NEO1: variants seen among roughly 807,000 people sequenced by gnomAD.
NEO1 encodes the protein neogenin.
Under a neutral mutation model 159.7 loss-of-function variants are expected in NEO1, and 63 were observed. That is an observed-to-expected ratio of 0.39 (90% confidence interval 0.32 to 0.49). The LOEUF is 0.49. Among genes scored for constraint, NEO1 ranks in the 20% least tolerant of loss-of-function variants. The probability of loss-of-function intolerance (pLI) is 0.85; values close to 1 mark genes in which losing one functional copy is unlikely to be tolerated. For missense variants in NEO1, 1,615 were observed against 1,831.0 expected, an observed-to-expected ratio of 0.88 and a Z score of 2.15; for synonymous variants, 633 against 662.0, an observed-to-expected ratio of 0.96 and a Z score of 0.67.
chr15:73,110,667 C>T (rs770708944), intron 1 of NEO1, among the ~76,000 whole-genome samples: 1 of 152,090 alleles, frequency 6.6e-6, no homozygotes. Context: ...GAGAGCTATT[C>T]CATTAAGACG....
intron 7 of NEO1, among the ~76,000 whole-genome samples, chr15:73,184,432 AAC>A (rs1351335652): frequency 6.6e-6 from 1 of 152,200 alleles, no homozygotes; most frequent in East Asian, 1.9e-4. Flanking sequence ...ACTCAAAAAC[AAC>A]ACACACTCTT....
chr15:73,298,959 T>A (rs761327717), intron 27 of NEO1, among the ~76,000 whole-genome samples: 19 of 152,070 alleles, frequency 1.2e-4, no homozygotes, highest in Non-Finnish European at 2.5e-4. Flanking sequence ...CTTCGTAAGG[T>A]CCCTGCAAAC....
intron 1 of NEO1, among the ~76,000 whole-genome samples, chr15:73,100,360 A>C (rs2070332238): frequency 6.7e-6 from 1 of 148,946 alleles, no homozygotes; most frequent in African/African-American, 2.5e-5. Context: ...TTTGAGATGG[A>C]ATCTCACTCT....
In NEO1 at chr15:73,223,472, G is replaced by C. The variant is rs534381783; in HGVS notation, c.1292-12875G>C. ...ATAAATTTGGGAGCTCCAGTGTTAG[G>C]TGCATATATGTTTAGGATTGTGATA... On this transcript the variant is annotated intron_variant, in intron 7 of 28. Coordinates refer to ENST00000261908, the MANE Select transcript of NEO1 (RefSeq NM_002499.4). Among the ~76,000 whole-genome samples, 115 of 152,234 alleles carry C rather than the reference G, an allele frequency of 7.6e-4. 1 individual carries two copies. Among genetic ancestry groups the C allele is most frequent in the African/African-American group, 2.7e-3 (111 of 41,530 alleles).
chr15:73,281,402 C>T (rs1020616786), intron 22 of NEO1, among the ~76,000 whole-genome samples: 5 of 151,338 alleles, frequency 3.3e-5, no homozygotes, highest in Non-Finnish European at 5.9e-5. Context: ...CTACAGGCAC[C>T]GCCACCATGC....
chr15:73,165,335 A>G (rs1391424358), intron 5 of NEO1, among the ~76,000 whole-genome samples: 2 of 152,124 alleles, frequency 1.3e-5, no homozygotes, highest in African/African-American at 2.4e-5. Context: ...TGTGTTCTGT[A>G]CACCTTTTAT....
chr15:73,172,673 G>A (rs1596251420), intron 5 of NEO1, among the ~76,000 whole-genome samples: 1 of 152,288 alleles, frequency 6.6e-6, no homozygotes, highest in East Asian at 1.9e-4. Flanking sequence ...TACAAATTTA[G>A]TTAAATGATA....
intron 11 of NEO1, among the ~76,000 whole-genome samples, chr15:73,250,699 G>T (rs1436090787): frequency 6.6e-6 from 1 of 151,636 alleles, no homozygotes; most frequent in Non-Finnish European, 1.5e-5. Context: ...TATTAGTTTT[G>T]TGAAAGAAAA....
intron 1 of NEO1, among the ~76,000 whole-genome samples, chr15:73,083,725 T>C (rs2069196747): frequency 6.6e-6 from 1 of 152,208 alleles, no homozygotes. Context: ...TTCTTCGTTA[T>C]TCTGCCTTAT....
chr15:73,284,384 G>A (rs2041856167), intron 23 of NEO1, among the ~76,000 whole-genome samples: 1 of 152,128 alleles, frequency 6.6e-6, no homozygotes, highest in African/African-American at 2.4e-5. Context: ...TCACTGTACA[G>A]GGTAAGTACA....
intron 5 of NEO1, among the ~76,000 whole-genome samples, chr15:73,147,348 T>C (rs890349175): frequency 2.0e-5 from 3 of 152,186 alleles, no homozygotes; most frequent in African/African-American, 7.2e-5. Flanking sequence ...CCTTAGATTA[T>C]TTAAATTGAC....
intron 11 of NEO1, among the ~76,000 whole-genome samples, chr15:73,252,172 T>C (rs1421901738): frequency 6.6e-6 from 1 of 152,222 alleles, no homozygotes; most frequent in African/African-American, 2.4e-5. Flanking sequence ...CCAGAAGCTA[T>C]AGCACAGTGG....
At chr15:73,135,502 CT>C (rs1158353767) in intron 4 of NEO1, among the ~76,000 whole-genome samples, 1 of 152,144 alleles carries the variant, frequency 6.6e-6, no homozygotes, top group East Asian at 1.9e-4. Flanking sequence ...TGTGGCATAG[CT>C]GTGGTGGTGT....
At chr15:73,268,582 T>C (rs958441900) in intron 16 of NEO1, among the ~76,000 whole-genome samples, 2 of 152,368 alleles carry the variant, frequency 1.3e-5, no homozygotes, top group South Asian at 2.1e-4. Flanking sequence ...ATGGAGACTA[T>C]TACTTTAGCT....
chr15:73,266,113 C>G (rs1003630043), intron 15 of NEO1, among the ~76,000 whole-genome samples: 1 of 152,202 alleles, frequency 6.6e-6, no homozygotes, highest in Non-Finnish European at 1.5e-5. Context: ...GAGACTAAAT[C>G]CGGGAAGTTG....
At chr15:73,074,030 T>G (rs764977752) in intron 1 of NEO1, among the ~76,000 whole-genome samples, 1 of 151,840 alleles carries the variant, frequency 6.6e-6, no homozygotes, top group Non-Finnish European at 1.5e-5. Context: ...GTGAAGGAGG[T>G]CTCTTACTAT....
In NEO1 at chr15:73,272,451, G is replaced by C. The variant is rs371478269; in HGVS notation, c.2858-4G>C. The stretch of plus-strand genomic sequence containing the variant: ...AAATTATTAAAAATTTTGTTATTTT[G>C]TAGTTCCGACTTCTCCACCCAAGGA... On this transcript the variant is annotated splice_region_variant and splice_polypyrimidine_tract_variant and intron_variant, in intron 18 of 28. Coordinates refer to ENST00000261908, the MANE Select transcript of NEO1 (RefSeq NM_002499.4). 5 of 1,607,060 alleles carry C rather than the reference G, an allele frequency of 3.1e-6. No homozygotes were observed. The highest frequency in any genetic ancestry group is 4.3e-6 in the Non-Finnish European group (5 of 1,174,484).
intron 1 of NEO1, among the ~76,000 whole-genome samples, chr15:73,079,614 A>T (rs2068942323): frequency 6.6e-6 from 1 of 152,010 alleles, no homozygotes. Context: ...TTTTCAACTC[A>T]TTTTTTCACT....
rs2030840021 is a variant in NEO1 at position 73,129,744 on chromosome 15, A to G, written c.878+3174A>G. Reference sequence around the variant, plus strand: ...GATCTGAACCCCACTGCAAGGGAACAGGTTAAAATGCTTGATATTATTACA... The same window carrying G: ...GATCTGAACCCCACTGCAAGGGAACGGGTTAAAATGCTTGATATTATTACA... On this transcript the variant is annotated intron_variant, in intron 4 of 28. Coordinates refer to ENST00000261908, the MANE Select transcript of NEO1 (RefSeq NM_002499.4). 2.0e-5 allele frequency among the ~76,000 whole-genome samples: 3 copies of G among 152,362 alleles called. No homozygotes were observed. In the South Asian group the frequency reaches 6.2e-4, roughly 32 times the overall value.
Sources: gnomAD v4.1 joint callset for allele counts (sites outside exome capture counted in the v4.1 genomes callset) on GRCh38, gnomAD v4.1.1 for gene constraint, MANE v1.5 for transcripts, NCBI Gene and HGNC (gene_info 2026-07-23, HGNC 2026-07-21) for gene names.